Variants in MTHFD1L observed in about 807,000 individuals in gnomAD.
The protein encoded by MTHFD1L is monofunctional C1-tetrahydrofolate synthase, mitochondrial.
A neutral mutation model predicts 119.5 loss-of-function variants in MTHFD1L; 81 were observed. The ratio of observed to expected loss-of-function variants is 0.68; its 90% confidence interval spans 0.57 to 0.82. The LOEUF (loss-of-function observed/expected upper bound fraction) is 0.82. MTHFD1L is among the 40% of genes least tolerant of loss of function. MTHFD1L has a pLI of 0.00. For synonymous variants in MTHFD1L, 430 were observed against 475.2 expected (o/e 0.90, Z 1.24); for missense variants, 1,125 against 1,253.4 (o/e 0.90, Z 1.55).
At chr6:151,015,791 G>A (rs1782963712) in intron 24 of MTHFD1L, 98 bp downstream of exon 24, 1 of 1,435,034 alleles carries the variant, frequency 7.0e-7, no homozygotes, top group Non-Finnish European at 9.3e-7. Flanking sequence ...GAAAACTAAA[G>A]ATAGAAGAGT....
Position 151,055,618 on chromosome 6 carries a change from C to A in MTHFD1L, c.2847+18501C>A, listed in dbSNP as rs557682356. Among the ~76,000 whole-genome samples the A allele has an allele frequency of 2.0e-5, 3 of 151,944 alleles. No homozygotes were observed. In the East Asian group the frequency reaches 5.8e-4, roughly 29 times the overall value. On this transcript the variant is annotated intron_variant, in intron 26 of 27. Transcript: ENST00000367321. Reference sequence around the variant, plus strand: ...TCTCGGCTCACCGCAACCTCCGCCTCCCAGGTTCAAGTGATTCTCCTGCCT... The same window carrying A: ...TCTCGGCTCACCGCAACCTCCGCCTACCAGGTTCAAGTGATTCTCCTGCCT...
chr6:150,905,132 C>T (rs1334377864), intron 7 of MTHFD1L, among the ~76,000 whole-genome samples: 1 of 143,096 alleles, frequency 7.0e-6, no homozygotes, highest in Non-Finnish European at 1.5e-5. Context: ...CTCCTGGGTT[C>T]AAGTGATTCT....
chr6:150,919,378 C>T (rs1788527120), intron 9 of MTHFD1L, among the ~76,000 whole-genome samples: 2 of 151,886 alleles, frequency 1.3e-5, no homozygotes, highest in Admixed American at 1.3e-4. Flanking sequence ...CACACACCAC[C>T]ACGCCTGGCT....
intron 26 of MTHFD1L, chr6:151,055,912 G>A (rs1174889906): frequency 6.6e-6 from 1 of 152,176 alleles, no homozygotes; most frequent in Non-Finnish European, 1.5e-5. Context: ...ATAGGAAAGG[G>A]TAGCTTCCAA....
At chr6:150,955,153 A>G (rs1305461804) in intron 16 of MTHFD1L, among the ~76,000 whole-genome samples, 4 of 152,094 alleles carry the variant, frequency 2.6e-5, no homozygotes, top group African/African-American at 4.8e-5. Context: ...TATCCCCAAC[A>G]AAAACTCCTT....
At chr6:150,913,304 G>A (rs1787260140) in intron 8 of MTHFD1L, among the ~76,000 whole-genome samples, 1 of 150,288 alleles carries the variant, frequency 6.7e-6, no homozygotes, top group African/African-American at 2.5e-5. Context: ...GGGACTAAAG[G>A]CGCCCGCCAC....
At chr6:151,003,533 C>CA (rs11422337) in intron 20 of MTHFD1L, among the ~76,000 whole-genome samples, 38,675 of 149,996 alleles carry the variant, frequency 0.26, 5,818 homozygotes, top group East Asian at 0.68. Flanking sequence ...ACTCCATATC[C>CA]AAAAAAAAAG....
intron 20 of MTHFD1L, among the ~76,000 whole-genome samples, chr6:150,997,144 G>A (rs757774433): frequency 6.6e-6 from 1 of 152,178 alleles, no homozygotes; most frequent in African/African-American, 2.4e-5. Flanking sequence ...GTCCTGGTCA[G>A]CCCTGAGGGC....
chr6:150,938,548 T>C (rs886865464), intron 12 of MTHFD1L, 151 bp from the exon 13 acceptor site: 16 of 707,824 alleles, frequency 2.3e-5, no homozygotes, highest in Non-Finnish European at 4.0e-5. Flanking sequence ...TGCTTGGATA[T>C]AACCATTAGT....
chr6:151,100,235 A>G (rs1269229033), intron 27 of MTHFD1L, among the ~76,000 whole-genome samples: 1 of 151,928 alleles, frequency 6.6e-6, no homozygotes, highest in East Asian at 1.9e-4. Flanking sequence ...ACGGGGTTTC[A>G]CCGTGTTAGA....
intron 21 of MTHFD1L, among the ~76,000 whole-genome samples, chr6:151,011,888 C>G (rs897501519): frequency 6.6e-6 from 1 of 151,708 alleles, no homozygotes; most frequent in Admixed American, 6.6e-5. Context: ...GTAATTCCCA[C>G]TACTCAGGAG....
chr6:151,064,239 G>A (rs79951800), intron 26 of MTHFD1L, among the ~76,000 whole-genome samples: 4,977 of 152,154 alleles, frequency 0.033, 229 homozygotes, highest in South Asian at 0.1. Flanking sequence ...AAAGTACTAC[G>A]TATGTCATAA....
At chr6:150,958,087 A>G (rs1269317692) in intron 17 of MTHFD1L, among the ~76,000 whole-genome samples, 1 of 152,156 alleles carries the variant, frequency 6.6e-6, no homozygotes, top group Admixed American at 6.5e-5. Context: ...TGATTTGCAA[A>G]TGAGGAAATT....
At chr6:150,937,342 C>G (rs1006006576) in intron 12 of MTHFD1L, among the ~76,000 whole-genome samples, 2 of 152,174 alleles carry the variant, frequency 1.3e-5, no homozygotes, top group Non-Finnish European at 2.9e-5. Context: ...TGTGTGGGGC[C>G]CGCAGAGCTC....
chr6:151,017,237 A>AT (rs1345466113), intron 24 of MTHFD1L, among the ~76,000 whole-genome samples: 1 of 151,890 alleles, frequency 6.6e-6, no homozygotes, highest in Non-Finnish European at 1.5e-5. Context: ...ATTCTCCTTC[A>AT]TTTCCATGAA....
At chr6:151,099,081 C>G (rs1224094754) in intron 27 of MTHFD1L, among the ~76,000 whole-genome samples, 1 of 151,718 alleles carries the variant, frequency 6.6e-6, no homozygotes, top group Admixed American at 6.6e-5. Flanking sequence ...GAAGCTGAAC[C>G]CTGAGAATTG....
intron 26 of MTHFD1L, among the ~76,000 whole-genome samples, chr6:151,048,253 C>G (rs1237363902): frequency 6.6e-6 from 1 of 152,122 alleles, no homozygotes; most frequent in Non-Finnish European, 1.5e-5. Context: ...CCTCCAGACA[C>G]TCCATTTCTC....
intron 20 of MTHFD1L, among the ~76,000 whole-genome samples, chr6:150,981,880 G>T (rs1357088012): frequency 6.6e-6 from 1 of 152,140 alleles, no homozygotes; most frequent in Non-Finnish European, 1.5e-5. Flanking sequence ...GAGCCCAGGG[G>T]TTCAAGACCA....
chr6:150,963,004 C>A (rs1796679230), intron 18 of MTHFD1L, among the ~76,000 whole-genome samples: 1 of 148,912 alleles, frequency 6.7e-6, no homozygotes. Flanking sequence ...CAACCTCCAA[C>A]TCCCAGGTTC....
Sources: gnomAD v4.1 joint callset for allele counts (sites outside exome capture counted in the v4.1 genomes callset) on GRCh38, gnomAD v4.1.1 for gene constraint, MANE v1.5 for transcripts, NCBI Gene and HGNC (gene_info 2026-07-23, HGNC 2026-07-21) for gene names.